Variants in PRIM2 observed in about 807,000 individuals in gnomAD.
PRIM2 encodes DNA primase subunit 2.
Under a neutral mutation model 67.3 loss-of-function variants are expected in PRIM2, and 39 were observed. The ratio of observed to expected loss-of-function variants is 0.58; its 90% confidence interval spans 0.45 to 0.76. PRIM2 has a LOEUF of 0.76. Ranked by LOEUF, PRIM2 falls within the 30% of genes least tolerant of loss-of-function variation. The probability of loss-of-function intolerance (pLI) is 0.00; values close to 1 mark genes in which losing one functional copy is unlikely to be tolerated. For missense variants in PRIM2, 398 were observed against 598.7 expected (o/e 0.66, Z 3.50); for synonymous variants, 143 against 198.7 (o/e 0.72, Z 2.36).
chr6:57,261,653 C>T, the PRIM2 span, among the ~76,000 whole-genome samples: 3 of 152,288 alleles, frequency 2.0e-5, no homozygotes, highest in Non-Finnish European at 2.9e-5. Context: ...CACTTATTGC[C>T]CCAGGCTCCC....
chr6:57,492,958 G>A (rs1216795974), intron 7 of PRIM2, among the ~76,000 whole-genome samples: 1 of 152,170 alleles, frequency 6.6e-6, no homozygotes, highest in Non-Finnish European at 1.5e-5. Flanking sequence ...CATTAATACA[G>A]CAATACATTA....
intron 7 of PRIM2, among the ~76,000 whole-genome samples, chr6:57,429,538 C>T (rs1394202549): frequency 2.0e-5 from 3 of 151,784 alleles, no homozygotes; most frequent in African/African-American, 7.3e-5. Flanking sequence ...TCTTAAGGTG[C>T]TGAATTGTGG....
At chr6:57,405,993 T>A (rs1381265895) in intron 7 of PRIM2, among the ~76,000 whole-genome samples, 2 of 152,222 alleles carry the variant, frequency 1.3e-5, no homozygotes, top group Non-Finnish European at 2.9e-5. Flanking sequence ...AGTCATCATA[T>A]GTGTGGTCAA....
At chr6:57,435,748 C>T (rs1413421612) in intron 7 of PRIM2, among the ~76,000 whole-genome samples, 3 of 152,142 alleles carry the variant, frequency 2.0e-5, no homozygotes, top group Non-Finnish European at 4.4e-5. Context: ...TAAACATAAC[C>T]AGACATTTGT....
At chr6:57,485,005 C>T (rs2127406997) in intron 7 of PRIM2, among the ~76,000 whole-genome samples, 1 of 152,158 alleles carries the variant, frequency 6.6e-6, no homozygotes, top group East Asian at 1.9e-4. Flanking sequence ...AGTCAAAGTA[C>T]TCAAAAAAGT....
chr6:57,346,545 C>A (rs1356583500), intron 5 of PRIM2, among the ~76,000 whole-genome samples: 5 of 152,120 alleles, frequency 3.3e-5, no homozygotes, highest in Admixed American at 1.3e-4. Flanking sequence ...GTCTTGAACT[C>A]CTGACCTTGT....
Position 57,346,936 on chromosome 6 carries a change from C to T in PRIM2, c.459+20891C>T, listed in dbSNP as rs552425740. 5.3e-5 allele frequency among the ~76,000 whole-genome samples: 8 copies of T among 152,248 alleles called. No homozygotes were observed. In the South Asian group the frequency reaches 1.2e-3, roughly 24 times the overall value. On this transcript the variant is annotated intron_variant, in intron 5 of 13. Coordinates refer to ENST00000615550, the MANE Select transcript of PRIM2 (RefSeq NM_000947.5). ...AATATATCCATTCTGCTACTCCCCA[C>T]CCCTCTGAAGGCATACAAAGGACAA...
At chr6:57,335,656 CTGTT>C (rs1768213326) in intron 5 of PRIM2, among the ~76,000 whole-genome samples, 1 of 151,896 alleles carries the variant, frequency 6.6e-6, no homozygotes, top group Non-Finnish European at 1.5e-5. Context: ...AGGGTCCTGT[CTGTT>C]AGAAGGAAAA....
chr6:57,241,751 C>A, the PRIM2 span, among the ~76,000 whole-genome samples: 1 of 144,420 alleles, frequency 6.9e-6, no homozygotes, highest in South Asian at 2.2e-4. Flanking sequence ...CGGCTCACTG[C>A]AAGCTCTGCC....
chr6:57,294,962 C>A, the PRIM2 span, among the ~76,000 whole-genome samples: 3 of 152,062 alleles, frequency 2.0e-5, no homozygotes, highest in Non-Finnish European at 2.9e-5. Flanking sequence ...AGGCGTGCTG[C>A]CATGCCTAAC....
chr6:57,474,166 C>T (rs1773408368), intron 7 of PRIM2, among the ~76,000 whole-genome samples: 4 of 131,064 alleles, frequency 3.1e-5, no homozygotes, highest in Admixed American at 2.4e-4. Context: ...TTCTGCAATT[C>T]TGCTATCTTT....
At chr6:57,366,385 T>G (rs572789981) in intron 5 of PRIM2, among the ~76,000 whole-genome samples, 26 of 152,222 alleles carry the variant, frequency 1.7e-4, no homozygotes, top group Middle Eastern at 3.4e-3. Flanking sequence ...GGAACTTTGA[T>G]GGACACAAAG....
intron 10 of PRIM2, among the ~76,000 whole-genome samples, chr6:57,544,025 A>G (rs1775235370): frequency 6.6e-6 from 1 of 152,146 alleles, no homozygotes; most frequent in African/African-American, 2.4e-5. Context: ...TTATTTTTTT[A>G]TTAGGAATTT....
Position 57,344,399 on chromosome 6 carries a change from T to C in PRIM2, c.459+18354T>C, listed in dbSNP as rs543626437. Among the ~76,000 whole-genome samples the C allele has an allele frequency of 1.3e-3, 193 of 152,054 alleles. 5 individuals are homozygous for C. In the East Asian group the frequency reaches 0.016, roughly 13 times the overall value. Reference sequence around the variant, plus strand: ...GTTATATATGAAATGAGCTTTTCTATTGAGCTAGATTTGAGGGATTATGCT... The same window carrying C: ...GTTATATATGAAATGAGCTTTTCTACTGAGCTAGATTTGAGGGATTATGCT... On this transcript the variant is annotated intron_variant, in intron 5 of 13. Transcript: ENST00000615550.
At chr6:57,430,555 G>T (rs1471114436) in intron 7 of PRIM2, among the ~76,000 whole-genome samples, 2 of 147,252 alleles carry the variant, frequency 1.4e-5, no homozygotes, top group Non-Finnish European at 3.0e-5. Flanking sequence ...CCAGGTACTA[G>T]TGATTCTCCT....
intron 10 of PRIM2, among the ~76,000 whole-genome samples, chr6:57,539,644 G>A (rs1209470912): frequency 1.4e-5 from 1 of 72,436 alleles, no homozygotes; most frequent in African/African-American, 6.5e-5. Flanking sequence ...GTGTGTGTGT[G>A]TGTGTGTGTG....
intron 3 of PRIM2, 158 bp from the exon 4 acceptor site, chr6:57,324,043 C>CACTA (rs1445683971): frequency 6.6e-6 from 1 of 152,470 alleles, no homozygotes; most frequent in African/African-American, 2.4e-5. Flanking sequence ...TGTGATTGAC[C>CACTA]ACTACTCTCC....
intron 5 of PRIM2, among the ~76,000 whole-genome samples, chr6:57,335,966 A>C (rs1747350121): frequency 6.6e-6 from 1 of 152,070 alleles, no homozygotes; most frequent in Non-Finnish European, 1.5e-5. Flanking sequence ...TTTGAAAAAA[A>C]TTTAGAAGAA....
At chr6:57,401,105 G>A (rs1425803660) in intron 7 of PRIM2, among the ~76,000 whole-genome samples, 1 of 152,140 alleles carries the variant, frequency 6.6e-6, no homozygotes, top group Non-Finnish European at 1.5e-5. Context: ...CGTCATTTCA[G>A]CCAGCTCAGC....
Sources: allele counts gnomAD v4.1 joint callset (sites outside exome capture counted in the v4.1 genomes callset), GRCh38; gene constraint gnomAD v4.1.1; transcripts MANE v1.5; gene names NCBI Gene and HGNC (gene_info 2026-07-23, HGNC 2026-07-21).